The following CCDC171 variants were observed in gnomAD, a reference collection of about 807,000 sequenced individuals.
CCDC171 encodes coiled-coil domain containing 171.
Under a neutral mutation model 168.2 loss-of-function variants are expected in CCDC171, and 177 were observed. The ratio of observed to expected loss-of-function variants is 1.05; its 90% confidence interval spans 0.93 to 1.19. CCDC171 has a LOEUF of 1.19. Among genes scored for constraint, CCDC171 ranks in the 50% most tolerant of loss-of-function variants. The probability of loss-of-function intolerance (pLI) is 0.00; values close to 1 mark genes in which losing one functional copy is unlikely to be tolerated. For missense variants in CCDC171, 1,991 were observed against 1,539.0 expected (o/e 1.29, Z -4.91); for synonymous variants, 687 against 540.8 (o/e 1.27, Z -3.75).
At chr9:15,850,802 T>C (rs2061092884) in intron 23 of CCDC171, among the ~76,000 whole-genome samples, 1 of 151,934 alleles carries the variant, frequency 6.6e-6, no homozygotes, top group Admixed American at 6.6e-5. Flanking sequence ...CCCATTGGCA[T>C]TTTGCTGTCT....
At chr9:15,829,803 C>G (rs1254930505) in intron 21 of CCDC171, among the ~76,000 whole-genome samples, 1 of 151,946 alleles carries the variant, frequency 6.6e-6, no homozygotes, top group Non-Finnish European at 1.5e-5. Context: ...GCCTATAGTC[C>G]AAGCTACTCA....
chr9:15,560,184 G>A (rs962661061), intron 1 of CCDC171, among the ~76,000 whole-genome samples: 1 of 152,126 alleles, frequency 6.6e-6, no homozygotes, highest in African/African-American at 2.4e-5. Flanking sequence ...TTCAACTTTG[G>A]TGAATCTGAC....
At chr9:16,105,525 C>A in the CCDC171 span, among the ~76,000 whole-genome samples, 1 of 152,102 alleles carries the variant, frequency 6.6e-6, no homozygotes, top group Non-Finnish European at 1.5e-5. Flanking sequence ...GCTTGATGGC[C>A]TCGTAATTGT....
intron 8 of CCDC171, among the ~76,000 whole-genome samples, chr9:15,660,508 C>T (rs1007818081): frequency 1.3e-5 from 2 of 152,118 alleles, no homozygotes; most frequent in Non-Finnish European, 2.9e-5. Context: ...GTGTGTATTG[C>T]TGTCGTCTTT....
rs55976539 is a variant in CCDC171 at position 15,642,343 on chromosome 9, GTATATATATATATA to G, written c.823-14756_823-14743del. ...TATATATATATACACGTGTGTGTGT[GTATATATATATATA>G]TATATATATATATATATATATATAT... On this transcript the variant is annotated intron_variant, in intron 7 of 25. Transcript: ENST00000380701. Among the ~76,000 whole-genome samples the G allele has an allele frequency of 2.8e-3, 302 of 107,572 alleles. 9 individuals are homozygous for G. Among genetic ancestry groups the G allele is most frequent in the African/African-American group, 0.014 (279 of 19,882 alleles). The allele number at this position is 107,572 out of a possible 152,430, so 70.6% of individuals were successfully genotyped here. A position where few individuals can be genotyped will look rare whatever the true frequency, so the allele number is the denominator to read the frequency against.
At chr9:15,919,050 C>G (rs555123504) in intron 24 of CCDC171, among the ~76,000 whole-genome samples, 1 of 151,636 alleles carries the variant, frequency 6.6e-6, no homozygotes, top group South Asian at 2.1e-4. Context: ...AACATGTAAA[C>G]TAATAAATTT....
intron 4 of CCDC171, among the ~76,000 whole-genome samples, chr9:15,590,594 C>T (rs1294040407): frequency 1.3e-5 from 2 of 152,160 alleles, no homozygotes; most frequent in Admixed American, 6.6e-5. Flanking sequence ...TAAATAGTTA[C>T]AGTTCTAAGG....
intron 9 of CCDC171, among the ~76,000 whole-genome samples, chr9:15,670,619 C>G (rs1253086085): frequency 6.6e-6 from 1 of 152,156 alleles, no homozygotes; most frequent in Admixed American, 6.5e-5. Flanking sequence ...GCTTCTCCCA[C>G]ACCACAGACA....
At chr9:15,633,881 G>GGAT (rs1449764542) in intron 7 of CCDC171, among the ~76,000 whole-genome samples, 1 of 152,150 alleles carries the variant, frequency 6.6e-6, no homozygotes, top group East Asian at 1.9e-4. Context: ...GTAGGGACAT[G>GGAT]GATGAAATTG....
chr9:15,921,957 A>G (rs1205803151), intron 25 of CCDC171, among the ~76,000 whole-genome samples: 1 of 151,578 alleles, frequency 6.6e-6, no homozygotes, highest in Non-Finnish European at 1.5e-5. Flanking sequence ...AAGAAGACCA[A>G]ACTTGGTAAG....
At chr9:16,076,697 A>T in the CCDC171 span, among the ~76,000 whole-genome samples, 1 of 151,868 alleles carries the variant, frequency 6.6e-6, no homozygotes, top group African/African-American at 2.4e-5. Flanking sequence ...ACTATTAGAA[A>T]CCTCAGGCCC....
intron 3 of CCDC171, among the ~76,000 whole-genome samples, chr9:15,998,783 T>C (rs1323529162): frequency 1.3e-5 from 2 of 152,146 alleles, no homozygotes; most frequent in African/African-American, 2.4e-5. Context: ...GCAGAAACTT[T>C]AAAGGCAATG....
intron 1 of CCDC171, among the ~76,000 whole-genome samples, chr9:16,045,008 C>G (rs991397478): frequency 6.6e-5 from 10 of 152,210 alleles, no homozygotes; most frequent in African/African-American, 2.4e-4. Flanking sequence ...TAAGAGGTTA[C>G]TGCTTGTCTT....
chr9:15,749,445 T>C (rs928309453), intron 18 of CCDC171, among the ~76,000 whole-genome samples: 1 of 152,140 alleles, frequency 6.6e-6, no homozygotes, highest in Non-Finnish European at 1.5e-5. Context: ...TAGCCAGGAC[T>C]TGAACTGAGC....
chr9:15,993,569 G>A (rs1044851617), intron 3 of CCDC171, among the ~76,000 whole-genome samples: 1 of 152,108 alleles, frequency 6.6e-6, no homozygotes, highest in Non-Finnish European at 1.5e-5. Flanking sequence ...AAAAGCAATG[G>A]CAACAAAAGC....
Position 15,723,598 on chromosome 9 carries a change from C to T in CCDC171, c.1426-83C>T, listed in dbSNP as rs576830816. The T allele has an allele frequency of 8.4e-5, 78 of 926,130 alleles. No homozygotes were observed. The African/African-American group carries it at 1.2e-3, about 14-fold the overall frequency. The allele number at this position is 926,130 out of a possible 1,614,324, so 57.4% of individuals were successfully genotyped here. A position where few individuals can be genotyped will look rare whatever the true frequency, so the allele number is the denominator to read the frequency against. On this transcript the variant is annotated intron_variant, in intron 12 of 25. Coordinates refer to ENST00000380701, the MANE Select transcript of CCDC171 (RefSeq NM_173550.4). ...TGCATAAAAAGCACTTAAAGATTAA[C>T]TTTTGAGTTACCCATCCTTGAAAAA...
At chr9:16,002,002 T>G (rs1053172269) in intron 3 of CCDC171, among the ~76,000 whole-genome samples, 8 of 151,536 alleles carry the variant, frequency 5.3e-5, no homozygotes, top group Non-Finnish European at 1.0e-4. Context: ...ATTGCCCATC[T>G]GATTTTTTGT....
At chr9:15,608,458 A>G (rs2043382650) in intron 6 of CCDC171, among the ~76,000 whole-genome samples, 1 of 152,162 alleles carries the variant, frequency 6.6e-6, no homozygotes, top group Non-Finnish European at 1.5e-5. Flanking sequence ...CTTCCTTTAC[A>G]GCCTCTTGGT....
intron 3 of CCDC171, among the ~76,000 whole-genome samples, chr9:15,997,591 G>GACAAACT (rs3082863): frequency 0.026 from 3,919 of 152,158 alleles, 147 homozygotes; most frequent in African/African-American, 0.088. Context: ...AGTTTAGGGA[G>GACAAACT]ACAAACTACA....
Sources: allele counts gnomAD v4.1 joint callset (sites outside exome capture counted in the v4.1 genomes callset), GRCh38; gene constraint gnomAD v4.1.1; transcripts MANE v1.5; gene names NCBI Gene and HGNC (gene_info 2026-07-23, HGNC 2026-07-21).